Variants in ENPP3 observed in about 807,000 individuals in gnomAD.
ENPP3 encodes the protein ectonucleotide pyrophosphatase/phosphodiesterase 3.
ENPP3 carries 104 observed loss-of-function variants against 117.8 expected under a neutral mutation model. That is an observed-to-expected ratio of 0.88 (90% CI 0.75 to 1.04). The LOEUF is 1.04. Among genes scored for constraint, ENPP3 ranks in the 50% least tolerant of loss-of-function variants. ENPP3 has a pLI of 0.00. For missense variants in ENPP3, 1,026 were observed against 1,051.9 expected, an observed-to-expected ratio of 0.98 and a Z score of 0.34; for synonymous variants, 380 against 349.9, an observed-to-expected ratio of 1.09 and a Z score of -0.96.
chr6:131,682,177 T>G (rs536606131), intron 11 of ENPP3, among the ~76,000 whole-genome samples: 2 of 152,214 alleles, frequency 1.3e-5, no homozygotes, highest in South Asian at 2.1e-4. Context: ...AGAGTAAGTC[T>G]TCTTAAGAAT....
rs549241984 is a variant in ENPP3, at chr6:131,709,792, C to A, written c.1413-8880C>A. 10 of 1,613,254 alleles carry A rather than the reference C, an allele frequency of 6.2e-6. 1 individual carries two copies. In the South Asian group the frequency reaches 9.9e-5, roughly 16 times the overall value. ...AGAAAGCTTCTCTTCTTCCTCTATT[C>A]GGTAATTTTCCTCCACTGTTAATTT... On this transcript the variant is annotated intron_variant, in intron 15 of 24. Coordinates refer to ENST00000357639, the MANE Select transcript of ENPP3 (RefSeq NM_005021.5).
In ENPP3 at chr6:131,693,118, T is replaced by TACAC. The variant is rs553322229; in HGVS notation, c.1285-364_1285-361dup. ...ATTATATATTATATATATGGTTATA[T>TACAC]ACACACACACACACACACCCCCAGG... On this transcript the variant is annotated intron_variant, in intron 14 of 24. Coordinates refer to ENST00000357639, the MANE Select transcript of ENPP3 (RefSeq NM_005021.5). 2.1e-5 allele frequency among the ~76,000 whole-genome samples: 3 copies of TACAC among 144,324 alleles called. No individual in the cohort carries two copies. The East Asian group carries it at 5.9e-4, about 28-fold the overall frequency. 94.7% of individuals were successfully genotyped at this position (144,324 alleles called of 152,430 possible). A position where few individuals can be genotyped will look rare whatever the true frequency, so the allele number is the denominator to read the frequency against.
At chr6:131,685,179 A>G (rs781225440) in intron 12 of ENPP3, among the ~76,000 whole-genome samples, 185 bp from the exon 13 acceptor site, 2 of 152,160 alleles carry the variant, frequency 1.3e-5, no homozygotes, top group Non-Finnish European at 2.9e-5. Flanking sequence ...TCTTCCCTCA[A>G]ACATGACCCT....
In ENPP3 at chr6:131,668,174, T is replaced by C. The variant is rs140744574; in HGVS notation, c.563-3074T>C. On this transcript the variant is annotated intron_variant, in intron 6 of 24. Transcript: ENST00000357639. Reference sequence around the variant, plus strand: ...TAAGAATTTCATAAGGACTACATTGTAGTTTTTTTTTGAGTCGGAGTCTCG... The same window carrying C: ...TAAGAATTTCATAAGGACTACATTGCAGTTTTTTTTTGAGTCGGAGTCTCG... Among the ~76,000 whole-genome samples the C allele has an allele frequency of 5.9e-5, 9 of 151,726 alleles. No individual in the cohort carries two copies. In the East Asian group the frequency reaches 1.5e-3, roughly 26 times the overall value.
At chr6:131,727,146 A>G (rs1407518745) in intron 20 of ENPP3, among the ~76,000 whole-genome samples, 4 of 152,232 alleles carry the variant, frequency 2.6e-5, no homozygotes, top group Non-Finnish European at 5.9e-5. Context: ...TAGCTAATAA[A>G]TTTCCACCAA....
Position 131,721,964 on chromosome 6 carries a change from A to C in ENPP3, c.1568-263A>C, listed in dbSNP as rs78139885. Among the ~76,000 whole-genome samples, 38 of 152,300 alleles carry C rather than the reference A, an allele frequency of 2.5e-4. No homozygotes were observed. The East Asian group carries it at 7.0e-3, about 28-fold the overall frequency. On this transcript the variant is annotated intron_variant, in intron 17 of 24. Transcript: ENST00000357639. ...GGCCTCAAACTCCCAGGCTCAAGCA[A>C]GCCTCTTGCCTCAGCTTCTTGAGTA...
At chr6:131,682,804 T>C (rs576054839) in intron 11 of ENPP3, among the ~76,000 whole-genome samples, 1 of 152,354 alleles carries the variant, frequency 6.6e-6, no homozygotes, top group Admixed American at 6.5e-5. Flanking sequence ...CAACATGGTT[T>C]CATGTATTTA....
intron 24 of ENPP3, among the ~76,000 whole-genome samples, chr6:131,741,451 G>A (rs1019415911): frequency 2.0e-5 from 3 of 152,162 alleles, no homozygotes; most frequent in African/African-American, 7.2e-5. Flanking sequence ...ATGTTAAAAG[G>A]ATTTAATATT....
At chr6:131,730,427 T>A (rs979099642) in intron 20 of ENPP3, among the ~76,000 whole-genome samples, 3 of 152,222 alleles carry the variant, frequency 2.0e-5, no homozygotes, top group Non-Finnish European at 2.9e-5. Flanking sequence ...TCCAACACAT[T>A]TAGCACAAAC....
Position 131,677,937 on chromosome 6 carries a change from C to A in ENPP3, c.1008C>A (p.Ala336=). Residue 336 remains alanine, a synonymous_variant, in exon 11 of 25, where the codon GCC becomes GCA. Coordinates refer to ENST00000357639, the MANE Select transcript of ENPP3 (RefSeq NM_005021.5). ...GACATGCAGGTGGACCAGTCAGTGC[C>A]AGAGTAAGTTGTTGTTTTCTTAAAA... ...SSGHAGGPVS[A]RVIKALQVVD... 3 of 1,594,996 alleles carry A rather than the reference C, an allele frequency of 1.9e-6. No homozygotes were observed. The highest frequency in any genetic ancestry group is 2.6e-6 in the Non-Finnish European group (3 of 1,164,794).
intron 21 of ENPP3, among the ~76,000 whole-genome samples, chr6:131,736,618 T>G (rs1780403941): frequency 6.6e-6 from 1 of 151,926 alleles, no homozygotes; most frequent in Non-Finnish European, 1.5e-5. Flanking sequence ...CCAAACCATA[T>G]CAGTCTCTAT....
intron 7 of ENPP3, among the ~76,000 whole-genome samples, 162 bp downstream of exon 7, chr6:131,671,489 T>A (rs1292207280): frequency 6.6e-6 from 1 of 152,166 alleles, no homozygotes; most frequent in Non-Finnish European, 1.5e-5. Context: ...TGGCTCAATA[T>A]GAGGCCAGTC....
chr6:131,701,882 C>T (rs375039636), intron 15 of ENPP3, among the ~76,000 whole-genome samples: 10,594 of 76,574 alleles, frequency 0.14, no homozygotes, highest in Admixed American at 0.23. Context: ...ACTCTGTCTC[C>T]AGAAAAAAAA....
intron 15 of ENPP3, among the ~76,000 whole-genome samples, chr6:131,696,660 G>A (rs1779412925): frequency 6.6e-6 from 1 of 151,888 alleles, no homozygotes; most frequent in Non-Finnish European, 1.5e-5. Context: ...TGTGGTTGTT[G>A]TTGTTGTTGT....
intron 6 of ENPP3, among the ~76,000 whole-genome samples, chr6:131,661,575 C>G (rs1004129853): frequency 9.2e-5 from 14 of 152,212 alleles, no homozygotes; most frequent in African/African-American, 3.4e-4. Flanking sequence ...CAGGTGTGAG[C>G]CACTGTGCCC....
chr6:131,657,222 A>G (rs1009912127), intron 5 of ENPP3, among the ~76,000 whole-genome samples: 1 of 152,106 alleles, frequency 6.6e-6, no homozygotes, highest in Non-Finnish European at 1.5e-5. Flanking sequence ...ATGGTATGAA[A>G]TGGTCCTATC....
At position 131,669,605 on chromosome 6, in the gene ENPP3, G is replaced by A. The variant is rs967156433; in HGVS notation, c.563-1643G>A. Among the ~76,000 whole-genome samples, 11 of 136,598 alleles carry A rather than the reference G, an allele frequency of 8.1e-5. No individual in the cohort carries two copies. In the East Asian group the frequency reaches 2.2e-3, roughly 27 times the overall value. The allele number at this position is 136,598 out of a possible 152,430, so 89.6% of individuals were successfully genotyped here. A position where few individuals can be genotyped will look rare whatever the true frequency, so the allele number is the denominator to read the frequency against. ...CAGGAGGCAGAAGTTGCAGTGAGCC[G>A]AGATCACGCCACTGCACTCTAGCCT... is the stretch of plus-strand genomic sequence containing the variant. On this transcript the variant is annotated intron_variant, in intron 6 of 24. Transcript: ENST00000357639.
At chr6:131,719,406 CACACACACACACACAT>C (rs1779967922) in intron 16 of ENPP3, among the ~76,000 whole-genome samples, 2 of 146,710 alleles carry the variant, frequency 1.4e-5, no homozygotes, top group Admixed American at 6.7e-5. Context: ...CACACACACA[CACACACACACACACAT>C]TCCTTTCCAA....
intron 23 of ENPP3, 137 bp downstream of exon 23, chr6:131,738,300 T>C (rs1446416559): frequency 2.8e-6 from 2 of 704,726 alleles, no homozygotes; most frequent in Non-Finnish European, 4.5e-6. Context: ...TTCAATCTAG[T>C]CTATCTAAAT....
Sources: gnomAD v4.1 joint callset for allele counts (sites outside exome capture counted in the v4.1 genomes callset) on GRCh38, gnomAD v4.1.1 for gene constraint, MANE v1.5 for transcripts, NCBI Gene and HGNC (gene_info 2026-07-23, HGNC 2026-07-21) for gene names.